Variants in RBPMS observed in about 807,000 individuals in gnomAD.
RBPMS encodes the protein RNA-binding protein with multiple splicing.
A neutral mutation model predicts 26.8 loss-of-function variants in RBPMS; 7 were observed. That is an observed-to-expected ratio of 0.26 (90% CI 0.15 to 0.49). RBPMS has a LOEUF of 0.49. Ranked by LOEUF, RBPMS falls within the 20% of genes least tolerant of loss-of-function variation. RBPMS has a pLI of 0.98. For missense variants in RBPMS, 186 were observed against 250.0 expected (o/e 0.74, Z 1.73); for synonymous variants, 96 against 93.3 (o/e 1.03, Z -0.17).
At chr8:30,389,037 A>G (rs1807460809) in intron 1 of RBPMS, among the ~76,000 whole-genome samples, 1 of 152,222 alleles carries the variant, frequency 6.6e-6, no homozygotes, top group Non-Finnish European at 1.5e-5. Context: ...AAATTGCTGC[A>G]GAGAGGGTAA....
At chr8:30,391,509 T>A (rs1336975740) in intron 1 of RBPMS, among the ~76,000 whole-genome samples, 1 of 152,210 alleles carries the variant, frequency 6.6e-6, no homozygotes, top group African/African-American at 2.4e-5. Context: ...CCTTAAAAGC[T>A]GGTGCAGAAG....
Position 30,385,157 on chromosome 8 carries a change from A to G in RBPMS, c.65A>G (p.Glu22Gly). Reference protein sequence around the residue: ...TPSEANLQEEEVRTLFVSGLP... With the variant: ...TPSEANLQEEGVRTLFVSGLP... ...AGCGAGGCCAACCTTCAGGAGGAGG[A>G]GGTACTGGGCGGCTCGGTGTGGTGG... The change falls in exon 1 of 9, where the codon GAG (glutamate) becomes GGG (glycine). Residue 22 changes from glutamate to glycine, a missense_variant and splice_region_variant. By Grantham distance (98) the Glu-to-Gly change is moderately conservative. This residue lies in a region of RBPMS where 38 missense variants were observed against 27.8 expected (regional missense o/e 1.37). Coordinates refer to ENST00000397323, the MANE Select transcript of RBPMS (RefSeq NM_001008710.3). 2.0e-6 allele frequency: 3 copies of G among 1,514,834 alleles called. No individual in the cohort carries two copies. The highest frequency in any genetic ancestry group is 2.7e-6 in the Non-Finnish European group (3 of 1,131,792). 93.8% of individuals were successfully genotyped at this position (1,514,834 alleles called of 1,614,324 possible).
At chr8:30,474,450 A>G (rs375221116) in intron 1 of RBPMS, among the ~76,000 whole-genome samples, 25 of 152,296 alleles carry the variant, frequency 1.6e-4, no homozygotes, top group African/African-American at 2.6e-4. Context: ...GAAGTGTGCA[A>G]TGGCTAGTTG....
intron 1 of RBPMS, among the ~76,000 whole-genome samples, chr8:30,415,480 A>G (rs1217583791): frequency 1.3e-5 from 2 of 152,258 alleles, no homozygotes; most frequent in Admixed American, 6.5e-5. Context: ...CTCATCTGCA[A>G]CTTTCTCCTG....
At position 30,446,779 on chromosome 8, in the gene RBPMS, T is replaced by C. The variant is rs1039680053; in HGVS notation, c.67-28000T>C. ...CCAAGTAGCTGGGACTACAGGCACA[T>C]GCCACCACACATGGCTTGTGTGTGT... On this transcript the variant is annotated intron_variant, in intron 1 of 8. Transcript: ENST00000397323. Among the ~76,000 whole-genome samples the C allele has an allele frequency of 1.2e-4, 18 of 148,226 alleles. 1 individual carries two copies. Among genetic ancestry groups the C allele is most frequent in the Non-Finnish European group, 2.4e-4 (16 of 67,166 alleles).
intron 6 of RBPMS, among the ~76,000 whole-genome samples, chr8:30,557,263 C>T (rs1039185719): frequency 1.1e-4 from 16 of 152,194 alleles, no homozygotes; most frequent in South Asian, 4.1e-4. Context: ...AAGAACCGCT[C>T]GTGAGGAGGC....
chr8:30,530,818 A>G (rs532294004), intron 5 of RBPMS, among the ~76,000 whole-genome samples: 1 of 152,250 alleles, frequency 6.6e-6, no homozygotes, highest in South Asian at 2.1e-4. Context: ...ACCTATGAGA[A>G]TAGGTACTAC....
chr8:30,550,482 A>G (rs1355408541), intron 6 of RBPMS, among the ~76,000 whole-genome samples: 16 of 152,196 alleles, frequency 1.1e-4, no homozygotes, highest in Non-Finnish European at 1.3e-4. Flanking sequence ...CAGTAAGGAG[A>G]AGGAAGCCCA....
At chr8:30,434,627 C>T (rs1039232735) in intron 1 of RBPMS, among the ~76,000 whole-genome samples, 10 of 150,296 alleles carry the variant, frequency 6.7e-5, no homozygotes, top group Admixed American at 6.0e-4. Context: ...TCACTTGAAC[C>T]GGGATGGCGG....
At position 30,545,733 on chromosome 8, in the gene RBPMS, T is replaced by C. The variant is rs186222212; in HGVS notation, c.528+1109T>C. 6.0e-4 allele frequency: 92 copies of C among 152,322 alleles called. No individual in the cohort carries two copies. The Middle Eastern group carries it at 0.01, about 17-fold the overall frequency. 9.4% of individuals were successfully genotyped at this position (152,322 alleles called of 1,614,324 possible). On this transcript the variant is annotated intron_variant, in intron 6 of 8. Transcript: ENST00000397323. ...GTTCTTGAAAGTCATGGGGTCGAGA[T>C]TGTTGTTGGCTGAACATCTTTTAAT...
At chr8:30,551,049 G>T (rs2151067456) in intron 6 of RBPMS, among the ~76,000 whole-genome samples, 1 of 152,250 alleles carries the variant, frequency 6.6e-6, no homozygotes, top group Middle Eastern at 3.4e-3. Flanking sequence ...TCATTTCCAG[G>T]CAATGGAGTT....
At chr8:30,441,858 C>T (rs1404621579) in intron 1 of RBPMS, among the ~76,000 whole-genome samples, 3 of 152,202 alleles carry the variant, frequency 2.0e-5, no homozygotes, top group African/African-American at 4.8e-5. Context: ...GGCACAGTCT[C>T]GGCTCACTGC....
intron 1 of RBPMS, among the ~76,000 whole-genome samples, chr8:30,470,414 G>C (rs1201264591): frequency 2.0e-5 from 3 of 151,906 alleles, no homozygotes; most frequent in Admixed American, 1.3e-4. Context: ...CTAGATCCCA[G>C]TCACCATAGA....
chr8:30,492,450 C>G (rs1038045475), intron 4 of RBPMS, among the ~76,000 whole-genome samples: 3 of 147,372 alleles, frequency 2.0e-5, no homozygotes, highest in Admixed American at 2.0e-4. Context: ...CACCAGTAAC[C>G]CTTTGACTTA....
chr8:30,501,669 G>A (rs1460956801), intron 4 of RBPMS, among the ~76,000 whole-genome samples: 1 of 152,168 alleles, frequency 6.6e-6, no homozygotes, highest in African/African-American at 2.4e-5. Context: ...ATTTACATTT[G>A]GAAGAGAAAG....
At chr8:30,504,550 G>T (rs1820895694) in intron 5 of RBPMS, 114 bp downstream of exon 5, 2 of 1,081,528 alleles carry the variant, frequency 1.8e-6, no homozygotes, top group Non-Finnish European at 2.6e-6. Context: ...TTCCATTTCT[G>T]TGAAGAGGTT....
chr8:30,427,423 G>A (rs113427599), intron 1 of RBPMS, among the ~76,000 whole-genome samples: 3,594 of 152,228 alleles, frequency 0.024, 114 homozygotes, highest in African/African-American at 0.079. Context: ...CTCACACTGA[G>A]TTCACTCACC....
intron 6 of RBPMS, among the ~76,000 whole-genome samples, chr8:30,551,566 G>A (rs1227243216): frequency 2.0e-5 from 3 of 152,116 alleles, no homozygotes; most frequent in East Asian, 1.9e-4. Flanking sequence ...TGTCCTTTGC[G>A]GAAGGTTAAA....
intron 5 of RBPMS, among the ~76,000 whole-genome samples, chr8:30,541,404 A>T (rs772882454): frequency 6.6e-6 from 1 of 152,222 alleles, no homozygotes; most frequent in South Asian, 2.1e-4. Flanking sequence ...ATGCTAAGAA[A>T]AAAAGCCTAT....
Sources: allele counts gnomAD v4.1 joint callset (sites outside exome capture counted in the v4.1 genomes callset), GRCh38; gene constraint gnomAD v4.1.1; regional missense constraint gnomAD v4.1.1; transcripts MANE v1.5; gene names NCBI Gene and HGNC (gene_info 2026-07-23, HGNC 2026-07-21).